The following JPH2 variants were observed in gnomAD, a reference collection of about 807,000 sequenced individuals.
The protein encoded by JPH2 is junctophilin 2.
A neutral mutation model predicts 55.9 loss-of-function variants in JPH2; 38 were observed. The observed-to-expected ratio is 0.68, with a 90% CI of 0.52 to 0.89. The LOEUF is 0.89. JPH2 is among the 40% of genes least tolerant of loss of function. The pLI is 0.00. For missense variants in JPH2, 964 were observed against 1,037.6 expected (o/e 0.93, Z 0.97); for synonymous variants, 480 against 472.4 (o/e 1.02, Z -0.21).
At chr20:44,182,745 G>C (rs549985162) in intron 1 of JPH2, among the ~76,000 whole-genome samples, 5 of 152,110 alleles carry the variant, frequency 3.3e-5, no homozygotes, top group Non-Finnish European at 7.3e-5. Context: ...GTAACTTTTG[G>C]AGATTACATG....
chr20:44,127,635 G>A (rs879847916), intron 2 of JPH2, among the ~76,000 whole-genome samples: 4 of 151,692 alleles, frequency 2.6e-5, no homozygotes, highest in Non-Finnish European at 5.9e-5. Flanking sequence ...ACAGGCACCC[G>A]ACACCATGCC....
chr20:44,123,063 G>A (rs936813846), intron 2 of JPH2, among the ~76,000 whole-genome samples: 1 of 152,146 alleles, frequency 6.6e-6, no homozygotes, highest in African/African-American at 2.4e-5. Flanking sequence ...GGAAGATTCT[G>A]GGGGACCCAC....
rs780719579 is a variant in JPH2, at chr20:44,159,705, T to C, written c.1082A>G (p.Lys361Arg). 6 of 1,613,210 alleles carry C rather than the reference T, an allele frequency of 3.7e-6. No individual in the cohort carries two copies. The highest frequency in any genetic ancestry group is 3.3e-5 in the South Asian group (3 of 91,086). The change falls in exon 2 of 6, where the codon AAG becomes AGG. Residue 361 changes from lysine to arginine, a missense_variant. Transcript: ENST00000372980. The surrounding 1 kb of genome is among the most constrained non-coding windows in gnomAD (Gnocchi z 5.7). ...ACTGTGCTCCACTTTCTGGCGGACC[T>C]TGTTGCTCTTGAGCTGCAGCATGCG... ...KRRMLQLKSNKVRQKVEHSVE... is the reference protein window; with the variant it reads ...KRRMLQLKSNRVRQKVEHSVE...
At chr20:44,127,910 T>C (rs1487262158) in intron 2 of JPH2, among the ~76,000 whole-genome samples, 2 of 152,246 alleles carry the variant, frequency 1.3e-5, no homozygotes, top group Admixed American at 1.3e-4. Context: ...CGGCTGCTTG[T>C]ATATCTTCTT....
intron 1 of JPH2, chr20:44,178,006 GT>G: frequency 1.1e-6 from 1 of 874,736 alleles, no homozygotes; most frequent in Non-Finnish European, 2.0e-6. Context: ...GCTCAGGGAG[GT>G]TACATGGTGC....
At chr20:44,168,421 C>A (rs994536901) in intron 1 of JPH2, among the ~76,000 whole-genome samples, 94 of 152,240 alleles carry the variant, frequency 6.2e-4, no homozygotes, top group Non-Finnish European at 3.7e-4. Flanking sequence ...ATTGGTTTCA[C>A]CTTTTTAAAT....
chr20:44,134,439 ATATAAATATATATTTAT>A, intron 2 of JPH2, among the ~76,000 whole-genome samples: 1 of 17,772 alleles, frequency 5.6e-5, no homozygotes, highest in Middle Eastern at 0.045. Flanking sequence ...TTATAAATAT[ATATAAATATATATTTAT>A]TATAAATATA....
rs183560056 is a variant in JPH2, at chr20:44,128,701, T to A, written c.1170-10078A>T. 2.9e-3 allele frequency among the ~76,000 whole-genome samples: 432 copies of A among 149,890 alleles called. 1 individual carries two copies. In the Middle Eastern group the frequency reaches 0.031, roughly 11 times the overall value. On this transcript the variant is annotated intron_variant, in intron 2 of 5. Transcript: ENST00000372980. The stretch of plus-strand genomic sequence containing the variant: ...CTTTTTCTTTTTAACATTTTTTTTT[T>A]AAAGATACAGAGTCTCGCTCTGTTG...
At chr20:44,172,006 A>T (rs1241260117) in intron 1 of JPH2, among the ~76,000 whole-genome samples, 1 of 152,216 alleles carries the variant, frequency 6.6e-6, no homozygotes, top group Admixed American at 6.5e-5. Flanking sequence ...GGCTTTGAAT[A>T]AGGTCTCTTT....
intron 1 of JPH2, among the ~76,000 whole-genome samples, chr20:44,180,916 G>T (rs1056926576): frequency 2.0e-5 from 3 of 152,038 alleles, no homozygotes; most frequent in Non-Finnish European, 4.4e-5. Flanking sequence ...CGAGTGTCTC[G>T]GTGGGAACAG....
Position 44,111,917 on chromosome 20 carries a change from T to A in JPH2, c.*1601A>T, listed in dbSNP as rs1167677370. On this transcript the variant is annotated 3_prime_UTR_variant, in exon 6 of 6. Coordinates refer to ENST00000372980, the MANE Select transcript of JPH2 (RefSeq NM_020433.5). Reference sequence around the variant, plus strand: ...TGGCCCCGCCCCATTCCCCTCATGCTCCAGGAGTCTTGAGAAGCTCAGATG... The same window carrying A: ...TGGCCCCGCCCCATTCCCCTCATGCACCAGGAGTCTTGAGAAGCTCAGATG... The A allele has an allele frequency of 6.6e-6, 1 of 152,146 alleles. No homozygotes were observed. The highest frequency in any genetic ancestry group is 1.5e-5 in the Non-Finnish European group (1 of 68,230). 9.4% of individuals were successfully genotyped at this position (152,146 alleles called of 1,614,324 possible). A position where few individuals can be genotyped will look rare whatever the true frequency, so the allele number is the denominator to read the frequency against.
At chr20:44,149,307 C>A (rs2072514521) in intron 2 of JPH2, among the ~76,000 whole-genome samples, 3 of 152,346 alleles carry the variant, frequency 2.0e-5, no homozygotes, top group Admixed American at 1.3e-4. Flanking sequence ...CATACTCTCG[C>A]TACAAGAGCC....
Position 44,106,835 on chromosome 20 carries a change from C to A in JPH2, c.*6683G>T, listed in dbSNP as rs1397731838. Among the ~76,000 whole-genome samples, 1 of 152,102 alleles carries A rather than the reference C, an allele frequency of 6.6e-6. No homozygotes were observed. Among genetic ancestry groups the A allele is most frequent in the Admixed American group, 6.5e-5 (1 of 15,282 alleles). ...ATTACCTCCCACTGGGTCCCTCCCA[C>A]AACGTGTGGGTGGGAATTTAAGATG... On this transcript the variant is annotated 3_prime_UTR_variant, in exon 6 of 6. Coordinates refer to ENST00000372980, the MANE Select transcript of JPH2 (RefSeq NM_020433.5).
In JPH2 at chr20:44,159,568, C is replaced by A. The variant is rs1415900586; in HGVS notation, c.1169+50G>T. The A allele has an allele frequency of 1.3e-6, 2 of 1,551,392 alleles. No individual in the cohort carries two copies. The highest frequency in any genetic ancestry group is 1.7e-6 in the Non-Finnish European group (2 of 1,151,400). ...CTCCTAGGTTGCCCTGCCCCAGGAC[C>A]CCCTTCTCCGAGGGGAGGCGACCCC... On this transcript the variant is annotated intron_variant, in intron 2 of 5. Coordinates refer to ENST00000372980, the MANE Select transcript of JPH2 (RefSeq NM_020433.5). The surrounding 1 kb of genome is among the most constrained non-coding windows in gnomAD (Gnocchi z 5.7).
chr20:44,186,555 C>T lies in JPH2; in HGVS notation c.151G>A (p.Val51Ile), dbSNP rs574925943. ...SWNFGFEVAG[V>I]YTWPSGNTFE... ...GTGTTTCCGCTGGGCCAGGTGTAGA[C>T]ACCTGCCACCTCAAAGCCAAAGTTC... Residue 51 changes from valine to isoleucine, a missense_variant, in exon 1 of 6, where the codon GTC becomes ATC. By Grantham distance (29) the Val-to-Ile change is conservative. Transcript: ENST00000372980. 1 of 1,613,808 alleles carries T rather than the reference C, an allele frequency of 6.2e-7. No individual in the cohort carries two copies. Among genetic ancestry groups the T allele is most frequent in the South Asian group, 1.1e-5 (1 of 91,082 alleles).
chr20:44,133,277 C>G (rs1051789584), intron 2 of JPH2, among the ~76,000 whole-genome samples: 1 of 150,638 alleles, frequency 6.6e-6, no homozygotes, highest in Non-Finnish European at 1.5e-5. Flanking sequence ...AGGACCCACA[C>G]TAATACGATC....
chr20:44,133,190 T>G (rs2145852707), intron 2 of JPH2, among the ~76,000 whole-genome samples: 1 of 144,892 alleles, frequency 6.9e-6, no homozygotes, highest in South Asian at 2.3e-4. Flanking sequence ...TTGTTAATTT[T>G]TCTGCCCACA....
At chr20:44,158,177 C>T (rs985643013) in intron 2 of JPH2, among the ~76,000 whole-genome samples, 2 of 152,182 alleles carry the variant, frequency 1.3e-5, no homozygotes, top group Admixed American at 1.3e-4. Flanking sequence ...AAGGACAGAA[C>T]GGCAGCTGCC....
At position 44,186,656 on chromosome 20, in the gene JPH2, C is replaced by G. The variant is rs1250267129; in HGVS notation, c.50G>C (p.Gly17Ala). The G allele has an allele frequency of 1.9e-6, 3 of 1,606,044 alleles. No individual in the cohort carries two copies. The highest frequency in any genetic ancestry group is 8.5e-7 in the Non-Finnish European group (1 of 1,179,292). The change falls in exon 1 of 6, where the codon GGC (glycine) becomes GCC (alanine). Residue 17 changes from glycine to alanine, a missense_variant. Gly to Ala is a moderately conservative substitution (Grantham distance 60). Coordinates refer to ENST00000372980, the MANE Select transcript of JPH2 (RefSeq NM_020433.5). ...CCCATGGGCCTTTCCCCCCTCCCAGCCCCCGCAGTACGCCCCTCCATCATC... is the reference window on the plus strand; with the variant it reads ...CCCATGGGCCTTTCCCCCCTCCCAGGCCCCGCAGTACGCCCCTCCATCATC... ...DFDDGGAYCG[G>A]WEGGKAHGHG...
Sources: allele counts gnomAD v4.1 joint callset (sites outside exome capture counted in the v4.1 genomes callset), GRCh38; gene constraint gnomAD v4.1.1; non-coding constraint Gnocchi (gnomAD v3.1); transcripts MANE v1.5; gene names NCBI Gene and HGNC (gene_info 2026-07-23, HGNC 2026-07-21).